The following MOSPD2 variants were observed in gnomAD, a reference collection of about 807,000 sequenced individuals.
MOSPD2 encodes the protein motile sperm domain containing 2, also known as motile sperm domain-containing protein 2.
Under a neutral mutation model 41.7 loss-of-function variants are expected in MOSPD2, and 5 were observed. The ratio of observed to expected loss-of-function variants is 0.12; its 90% confidence interval spans 0.06 to 0.25. The LOEUF (loss-of-function observed/expected upper bound fraction) is 0.25. Among genes scored for constraint, MOSPD2 ranks in the 10% least tolerant of loss-of-function variants. MOSPD2 has a pLI of 1.00. For synonymous variants in MOSPD2, 115 were observed against 126.9 expected, an observed-to-expected ratio of 0.91 and a Z score of 0.63; for missense variants, 282 against 375.2, an observed-to-expected ratio of 0.75 and a Z score of 2.05.
At chrX:14,918,539 CTT>C in intron 13 of MOSPD2, 139 bp from the exon 14 acceptor site, 1 of 441,750 alleles carries the variant, frequency 2.3e-6, no homozygotes, top group South Asian at 3.9e-5. Flanking sequence ...GAGCAACTGT[CTT>C]AGGTGAACCT....
chrX:14,874,053 A>G (rs2092514031), intron 2 of MOSPD2: 2 of 345,756 alleles, frequency 5.8e-6, no homozygotes, highest in Non-Finnish European at 1.0e-5. Context: ...TAGGCCCACA[A>G]CACGGGTGAC....
intron 2 of MOSPD2, among the ~76,000 whole-genome samples, chrX:14,884,613 A>C (rs2092537811): frequency 8.9e-6 from 1 of 111,832 alleles, no homozygotes; most frequent in African/African-American, 3.3e-5. Context: ...TAGTTACTAT[A>C]AATATAAACT....
At position 14,921,457 on chromosome X, in the gene MOSPD2, G is replaced by C. The variant is rs2092609497; in HGVS notation, c.*1648G>C. 1 of 914,021 alleles carries C rather than the reference G, an allele frequency of 1.1e-6. No individual in the cohort carries two copies. The highest frequency in any genetic ancestry group is 2.1e-5 in the African/African-American group (1 of 48,342). The allele number at this position is 914,021 out of a possible 1,213,427, so 75.3% of individuals were successfully genotyped here. A position where few individuals can be genotyped will look rare whatever the true frequency, so the allele number is the denominator to read the frequency against. On this transcript the variant is annotated 3_prime_UTR_variant, in exon 15 of 15. Coordinates refer to ENST00000380492, the MANE Select transcript of MOSPD2 (RefSeq NM_152581.4). ...CAGTATCTCCCTGTGTGTGTGCACA[G>C]TGGCTTCCCCTTACATGGTAGATTT...
chrX:14,907,705 C>G (rs1271867075), intron 7 of MOSPD2, among the ~76,000 whole-genome samples: 1 of 111,037 alleles, frequency 9.0e-6, no homozygotes, highest in African/African-American at 3.3e-5. Flanking sequence ...GAGAAGGAGG[C>G]CTAAAGAGAG....
intron 2 of MOSPD2, among the ~76,000 whole-genome samples, chrX:14,891,892 T>C (rs1254410942): frequency 1.8e-5 from 2 of 111,800 alleles, no homozygotes; most frequent in African/African-American, 3.3e-5. Context: ...TAATGACACT[T>C]GCCAAACAAA....
intron 2 of MOSPD2, among the ~76,000 whole-genome samples, chrX:14,878,836 TGTACAAAATGTATAAAA>T (rs2092526324): frequency 8.9e-6 from 1 of 112,071 alleles, no homozygotes; most frequent in Non-Finnish European, 1.9e-5. Flanking sequence ...ATTCTGTTTA[TGTACAAAATGTATAAAA>T]CGTGAATAAA....
intron 7 of MOSPD2, among the ~76,000 whole-genome samples, chrX:14,905,866 AC>A: frequency 9.1e-6 from 1 of 109,344 alleles, no homozygotes; most frequent in East Asian, 2.9e-4. Flanking sequence ...TAGTTGTTCT[AC>A]TCTATTGTTT....
At chrX:14,913,829 G>T (rs771546688) in intron 10 of MOSPD2, among the ~76,000 whole-genome samples, 2 of 111,999 alleles carry the variant, frequency 1.8e-5, no homozygotes, top group South Asian at 7.3e-4. Context: ...TTTGGCTAAT[G>T]TAACTAAACT....
Position 14,920,097 on chromosome X carries a change from T to G in MOSPD2, c.*288T>G, listed in dbSNP as rs918817891. 39 of 735,584 alleles carry G rather than the reference T, an allele frequency of 5.3e-5. No homozygotes were observed. Among genetic ancestry groups the G allele is most frequent in the Admixed American group, 7.9e-5 (1 of 12,629 alleles). 60.6% of individuals were successfully genotyped at this position (735,584 alleles called of 1,213,427 possible). On this transcript the variant is annotated 3_prime_UTR_variant, in exon 15 of 15. Coordinates refer to ENST00000380492, the MANE Select transcript of MOSPD2 (RefSeq NM_152581.4). ...TATAATTTATTTTTTCCTTTTGATCTGAATACTTTTAAAGCTTAAGTTTTA... is the reference window on the plus strand; with the variant it reads ...TATAATTTATTTTTTCCTTTTGATCGGAATACTTTTAAAGCTTAAGTTTTA...
At chrX:14,873,852 G>T (rs1429943550) in intron 2 of MOSPD2, 94 bp downstream of exon 2, 6 of 734,290 alleles carry the variant, frequency 8.2e-6, no homozygotes, top group South Asian at 6.5e-5. Flanking sequence ...GAGGTGTTAG[G>T]GACCCTTTCG....
rs2092609957 is a variant in MOSPD2, at chrX:14,921,737, T to TTACTGA, written c.*1928_*1929insTACTGA. The TTACTGA allele has an allele frequency of 1.4e-5, 2 of 146,554 alleles. No homozygotes were observed. The highest frequency in any genetic ancestry group is 1.7e-4 in the Admixed American group (2 of 11,651). 12.1% of individuals were successfully genotyped at this position (146,554 alleles called of 1,213,427 possible). A position where few individuals can be genotyped will look rare whatever the true frequency, so the allele number is the denominator to read the frequency against. ...AAGCAGGATTACTGAAAATTCACTATAAAATCAAAGGCATCTAAACGTTTG... is the reference window on the plus strand; with the variant it reads ...AAGCAGGATTACTGAAAATTCACTATTACTGAAAAATCAAAGGCATCTAAACGTTTG... On this transcript the variant is annotated 3_prime_UTR_variant, in exon 15 of 15. Coordinates refer to ENST00000380492, the MANE Select transcript of MOSPD2 (RefSeq NM_152581.4).
At chrX:14,873,888 C>T in intron 2 of MOSPD2, 130 bp downstream of exon 2, 1 of 567,391 alleles carries the variant, frequency 1.8e-6, no homozygotes, top group South Asian at 2.5e-5. Context: ...ATGCTGGGCA[C>T]GTCTCAAAGG....
At chrX:14,885,505 G>A (rs1300672988) in intron 2 of MOSPD2, 1 of 111,613 alleles carries the variant, frequency 9.0e-6, no homozygotes, top group Non-Finnish European at 1.9e-5. Context: ...TGTTTAATTG[G>A]GGAACTTTAG....
rs529685565 is a variant in MOSPD2 at position 14,900,206 on chromosome X, T to C, written c.478-369T>C. Among the ~76,000 whole-genome samples the C allele has an allele frequency of 2.0e-4, 22 of 112,453 alleles. 1 individual carries two copies. Among genetic ancestry groups the C allele is most frequent in the Middle Eastern group, 9.2e-3 (2 of 218 alleles). On this transcript the variant is annotated intron_variant, in intron 5 of 14. Coordinates refer to ENST00000380492, the MANE Select transcript of MOSPD2 (RefSeq NM_152581.4). ...CCAAGTAGTCTGATTATAAACTGTATACTTGTTTCAATAATTCTTTAGTTA... is the reference window on the plus strand; with the variant it reads ...CCAAGTAGTCTGATTATAAACTGTACACTTGTTTCAATAATTCTTTAGTTA...
At chrX:14,876,723 A>G (rs1209911264) in intron 2 of MOSPD2, among the ~76,000 whole-genome samples, 1 of 111,854 alleles carries the variant, frequency 8.9e-6, no homozygotes, top group Non-Finnish European at 1.9e-5. Context: ...GTGTATCAGT[A>G]TTAGAGAAAG....
At chrX:14,900,115 A>G (rs773291657) in intron 5 of MOSPD2, among the ~76,000 whole-genome samples, 2 of 112,415 alleles carry the variant, frequency 1.8e-5, no homozygotes, top group Non-Finnish European at 1.9e-5. Context: ...TGACACTATT[A>G]TGTGGTGTAA....
At chrX:14,891,537 CT>C (rs1241395415) in intron 2 of MOSPD2, among the ~76,000 whole-genome samples, 2 of 104,288 alleles carry the variant, frequency 1.9e-5, no homozygotes, top group Non-Finnish European at 3.9e-5. Flanking sequence ...GTTGTTTTTT[CT>C]TTTTTTGTCT....
rs954558149 is a variant in MOSPD2 at position 14,920,608 on chromosome X, A to G, written c.*799A>G. The G allele has an allele frequency of 1.3e-6, 1 of 750,774 alleles. No homozygotes were observed. Among genetic ancestry groups the G allele is most frequent in the African/African-American group, 2.3e-5 (1 of 42,823 alleles). 61.9% of individuals were successfully genotyped at this position (750,774 alleles called of 1,213,427 possible). ...GTTGTCCACTATAGCTGGACACTGA[A>G]CCTTTTGCCTAATTTATTATAAAGG... On this transcript the variant is annotated 3_prime_UTR_variant, in exon 15 of 15. Coordinates refer to ENST00000380492, the MANE Select transcript of MOSPD2 (RefSeq NM_152581.4).
At position 14,918,758 on chromosome X, in the gene MOSPD2, A is replaced by G; in HGVS notation, c.1395A>G (p.Lys465=). The change falls in exon 14 of 15, where the codon AAA becomes AAG. Residue 465 remains lysine (K), a synonymous_variant. Transcript: ENST00000380492. Reference sequence around the variant, plus strand: ...ACAATGCTTTCAATATGTCAGATAAAACCAGTGAAGATATATGTCTACAAG... The same window carrying G: ...ACAATGCTTTCAATATGTCAGATAAGACCAGTGAAGATATATGTCTACAAG... ...LKDNAFNMSD[K]TSEDICLQLS... 8.4e-7 allele frequency: 1 copy of G among 1,186,864 alleles called. No individual in the cohort carries two copies. Among genetic ancestry groups the G allele is most frequent in the Non-Finnish European group, 1.1e-6 (1 of 873,511 alleles).
Sources: gnomAD v4.1 joint callset for allele counts (sites outside exome capture counted in the v4.1 genomes callset) on GRCh38, gnomAD v4.1.1 for gene constraint, MANE v1.5 for transcripts, NCBI Gene and HGNC (gene_info 2026-07-23, HGNC 2026-07-21) for gene names.